Variants in COL4A4 observed in about 807,000 individuals in gnomAD.
COL4A4 encodes collagen type IV alpha 4 chain.
Under a neutral mutation model 192.9 loss-of-function variants are expected in COL4A4, and 105 were observed. The ratio of observed to expected loss-of-function variants is 0.54; its 90% CI spans 0.46 to 0.64. The LOEUF (loss-of-function observed/expected upper bound fraction) is 0.64, where lower values mean the gene tolerates loss of function less well. COL4A4 is among the 30% of genes least tolerant of loss of function. COL4A4 has a pLI of 0.00. For missense variants in COL4A4, 1,967 were observed against 2,169.3 expected, an observed-to-expected ratio of 0.91 and a Z score of 1.85; for synonymous variants, 762 against 769.9, an observed-to-expected ratio of 0.99 and a Z score of 0.17.
chr2:227,162,415 T>A (rs1407238492), intron 1 of COL4A4, among the ~76,000 whole-genome samples: 4 of 152,198 alleles, frequency 2.6e-5, no homozygotes, highest in African/African-American at 9.7e-5. Flanking sequence ...TTAAATACTG[T>A]CAGTTTGTGA....
At chr2:227,027,375 G>A (rs1399819625) in intron 42 of COL4A4, among the ~76,000 whole-genome samples, 11 of 149,980 alleles carry the variant, frequency 7.3e-5, no homozygotes, top group African/African-American at 2.7e-4. Flanking sequence ...ACTATCACAA[G>A]GACAAAAAAC....
intron 22 of COL4A4, among the ~76,000 whole-genome samples, chr2:227,084,877 A>G (rs1559580322): frequency 6.6e-6 from 1 of 152,180 alleles, no homozygotes; most frequent in Non-Finnish European, 1.5e-5. Context: ...CATGCCTGTA[A>G]TCCCAGCACT....
intron 4 of COL4A4, among the ~76,000 whole-genome samples, chr2:227,131,006 TC>T (rs2062420105): frequency 6.6e-6 from 1 of 152,074 alleles, no homozygotes; most frequent in African/African-American, 2.4e-5. Context: ...TAACAGGTTT[TC>T]CCTAACATTA....
At chr2:227,108,907 A>C in intron 10 of COL4A4, 39 bp from the exon 11 acceptor site, 1 of 1,598,994 alleles carries the variant, frequency 6.3e-7, no homozygotes, top group Non-Finnish European at 8.6e-7. Context: ...CAATCATCAG[A>C]CATAGAAATC....
intron 7 of COL4A4, 62 bp downstream of exon 7, chr2:227,118,583 C>A: frequency 1.6e-6 from 2 of 1,239,414 alleles, no homozygotes; most frequent in South Asian, 1.2e-5. Flanking sequence ...TACATCAAGC[C>A]TGTTCCACCA....
Position 227,060,246 on chromosome 2 carries a change from A to C in COL4A4, c.2057-3T>G. ...GGGACCTGGAAATCCCTTCGGACCT[A>C]AACAATAATAAAAACAAAACACAGA... On this transcript the variant is annotated splice_polypyrimidine_tract_variant and splice_region_variant and intron_variant, in intron 26 of 47. Transcript: ENST00000396625. 6.2e-7 allele frequency: 1 copy of C among 1,600,150 alleles called. No homozygotes were observed. Among genetic ancestry groups the C allele is most frequent in the Non-Finnish European group, 8.6e-7 (1 of 1,168,060 alleles).
chr2:227,092,560 T>C (rs2059998002), intron 20 of COL4A4, among the ~76,000 whole-genome samples: 1 of 152,062 alleles, frequency 6.6e-6, no homozygotes, highest in South Asian at 2.1e-4. Context: ...AGTTAATGAG[T>C]TAGAGTGTAT....
chr2:227,091,118 C>T (rs1488846790), intron 20 of COL4A4, among the ~76,000 whole-genome samples: 2 of 151,850 alleles, frequency 1.3e-5, no homozygotes, highest in South Asian at 2.1e-4. Flanking sequence ...AGAAGAAACA[C>T]GCATCACAGC....
intron 21 of COL4A4, 127 bp downstream of exon 21, chr2:227,089,741 G>T: frequency 1.3e-6 from 1 of 756,486 alleles, no homozygotes; most frequent in Non-Finnish European, 2.3e-6. Flanking sequence ...ACTTAATGGA[G>T]TACTCTAGTG....
intron 37 of COL4A4, among the ~76,000 whole-genome samples, chr2:227,035,349 A>G (rs552459179): frequency 1.6e-4 from 24 of 152,298 alleles, no homozygotes; most frequent in African/African-American, 5.5e-4. Flanking sequence ...TTTGCATATA[A>G]ATAATTCAAG....
intron 44 of COL4A4, among the ~76,000 whole-genome samples, chr2:227,020,783 T>C (rs1412223099): frequency 6.6e-6 from 1 of 152,094 alleles, no homozygotes; most frequent in African/African-American, 2.4e-5. Flanking sequence ...CAGTGACTTC[T>C]AGATGCCCAG....
At chr2:227,017,514 T>G (rs1965150124) in intron 44 of COL4A4, among the ~76,000 whole-genome samples, 1 of 152,206 alleles carries the variant, frequency 6.6e-6, no homozygotes, top group Non-Finnish European at 1.5e-5. Context: ...GTACATCCAT[T>G]AGGCAGGAAC....
At chr2:227,130,321 G>C (rs960031798) in intron 4 of COL4A4, among the ~76,000 whole-genome samples, 9 of 152,320 alleles carry the variant, frequency 5.9e-5, no homozygotes, top group Non-Finnish European at 1.2e-4. Flanking sequence ...CTTTGCCACT[G>C]AACAACAAGG....
rs187908549 is a variant in COL4A4 at position 227,090,282 on chromosome 2, T to A, written c.1370-325A>T. Among the ~76,000 whole-genome samples the A allele has an allele frequency of 2.3e-3, 343 of 152,092 alleles. 4 individuals are homozygous for A. In the South Asian group the frequency reaches 0.051, roughly 22 times the overall value. On this transcript the variant is annotated intron_variant, in intron 20 of 47. Coordinates refer to ENST00000396625, the MANE Select transcript of COL4A4 (RefSeq NM_000092.5). Reference sequence around the variant, plus strand: ...CAAATAAACAAAAAAATGGACTCAGTGTATGGCAAAGATATTCCCCCACTC... The same window carrying A: ...CAAATAAACAAAAAAATGGACTCAGAGTATGGCAAAGATATTCCCCCACTC...
intron 46 of COL4A4, among the ~76,000 whole-genome samples, chr2:227,009,414 T>C (rs1010387170): frequency 3.3e-5 from 5 of 151,960 alleles, no homozygotes; most frequent in South Asian, 2.1e-4. Flanking sequence ...CTATTGAAAA[T>C]TGGCAAGGGC....
intron 37 of COL4A4, among the ~76,000 whole-genome samples, chr2:227,034,968 T>C (rs1433692084): frequency 6.6e-6 from 1 of 152,080 alleles, no homozygotes; most frequent in African/African-American, 2.4e-5. Flanking sequence ...CCTGTTTACT[T>C]AGTGTAGGGT....
intron 12 of COL4A4, among the ~76,000 whole-genome samples, chr2:227,104,322 G>A (rs1363016515): frequency 6.6e-6 from 1 of 151,132 alleles, no homozygotes; most frequent in Non-Finnish European, 1.5e-5. Context: ...TGTAATCCGA[G>A]CACTTTGGGA....
chr2:227,009,498 A>G (rs180889613), intron 46 of COL4A4, among the ~76,000 whole-genome samples: 140 of 152,194 alleles, frequency 9.2e-4, no homozygotes, highest in Non-Finnish European at 1.7e-3. Flanking sequence ...GAGGTCAGAT[A>G]TTCGAGACCT....
chr2:226,977,289 G>A, the COL4A4 span, among the ~76,000 whole-genome samples: 7 of 152,088 alleles, frequency 4.6e-5, no homozygotes, highest in South Asian at 2.1e-4. Context: ...CATGACTGCC[G>A]CCTCCTTTTT....
Sources: allele counts gnomAD v4.1 joint callset (sites outside exome capture counted in the v4.1 genomes callset), GRCh38; gene constraint gnomAD v4.1.1; transcripts MANE v1.5; gene names NCBI Gene and HGNC (gene_info 2026-07-23, HGNC 2026-07-21).